CD47: variants seen among roughly 807,000 people sequenced by gnomAD.
CD47 encodes leukocyte surface antigen CD47.
In CD47, 11 loss-of-function variants were observed where a neutral mutation model predicts 44.6. The ratio of observed to expected loss-of-function variants is 0.25; its 90% CI spans 0.16 to 0.41. The LOEUF is 0.41. CD47 is among the 10% of genes least tolerant of loss of function. The pLI, the probability that CD47 is intolerant of heterozygous loss-of-function variation, is 1.00. For synonymous variants in CD47, 140 were observed against 136.3 expected (o/e 1.03, Z -0.19); for missense variants, 306 against 386.7 (o/e 0.79, Z 1.75).
At position 108,070,163 on chromosome 3, in the gene CD47, A is replaced by C. The variant is rs139002791; in HGVS notation, c.490+930T>G. ...ATATAGACAGCTTAAACTGCTGAGT[A>C]AAAGTAAAATTCATAAAATATACAA... On this transcript the variant is annotated intron_variant, in intron 3 of 10. Coordinates refer to ENST00000361309, the MANE Select transcript of CD47 (RefSeq NM_001777.4). Among the ~76,000 whole-genome samples the C allele has an allele frequency of 4.5e-3, 678 of 152,328 alleles. 4 individuals are homozygous for C. Among genetic ancestry groups the C allele is most frequent in the African/African-American group, 0.015 (636 of 41,580 alleles).
chr3:108,089,769 G>A (rs1018294251), intron 1 of CD47, among the ~76,000 whole-genome samples: 4 of 152,222 alleles, frequency 2.6e-5, no homozygotes, highest in Admixed American at 6.5e-5. Context: ...GCACACCGAG[G>A]CTAATAATCA....
At chr3:108,071,330 C>T (rs534605951) in intron 2 of CD47, 148 bp from the exon 3 acceptor site, 70 of 533,400 alleles carry the variant, frequency 1.3e-4, no homozygotes, top group Non-Finnish European at 2.2e-4. Flanking sequence ...TATACATACA[C>T]ACATATACAT....
At chr3:108,082,182 G>T (rs1013868975) in intron 1 of CD47, among the ~76,000 whole-genome samples, 1 of 151,950 alleles carries the variant, frequency 6.6e-6, no homozygotes, top group African/African-American at 2.4e-5. Flanking sequence ...TTTCAGTCAA[G>T]TGCTGGGCAA....
intron 3 of CD47, among the ~76,000 whole-genome samples, chr3:108,062,409 A>T (rs1400025930): frequency 6.6e-6 from 1 of 152,142 alleles, no homozygotes; most frequent in Non-Finnish European, 1.5e-5. Context: ...TTTTAATCCC[A>T]TATATATTGT....
At chr3:108,052,698 T>C (rs558922060) in intron 7 of CD47, 7 of 152,524 alleles carry the variant, frequency 4.6e-5, no homozygotes, top group Admixed American at 3.3e-4. Flanking sequence ...CTCATGCCTG[T>C]AATCCCAGCA....
intron 1 of CD47, among the ~76,000 whole-genome samples, chr3:108,083,695 T>G (rs1025180905): frequency 6.6e-6 from 1 of 151,982 alleles, no homozygotes; most frequent in Non-Finnish European, 1.5e-5. Context: ...GGGCCTTCAA[T>G]CTTTACCATT....
chr3:108,063,616 TG>T (rs2079057127), intron 3 of CD47, among the ~76,000 whole-genome samples: 1 of 152,242 alleles, frequency 6.6e-6, no homozygotes, highest in South Asian at 2.1e-4. Context: ...CCTTATTTAT[TG>T]AATGTATCAA....
rs1385703238 is a variant in CD47, at chr3:108,079,619, A to G, written c.400+372T>C. ...AACACAAAAAACAGAAGGCTGAATAATTGGAAAGAGACTTGAAAATTAGTC... is the reference window on the plus strand; with the variant it reads ...AACACAAAAAACAGAAGGCTGAATAGTTGGAAAGAGACTTGAAAATTAGTC... On this transcript the variant is annotated intron_variant, in intron 2 of 10. Coordinates refer to ENST00000361309, the MANE Select transcript of CD47 (RefSeq NM_001777.4). 2.0e-5 allele frequency among the ~76,000 whole-genome samples: 3 copies of G among 150,864 alleles called. No homozygotes were observed. The East Asian group carries it at 5.8e-4, about 29-fold the overall frequency.
intron 9 of CD47, 92 bp from the exon 10 acceptor site, chr3:108,049,743 T>G (rs1362828450): frequency 1.2e-6 from 1 of 856,286 alleles, no homozygotes; most frequent in African/African-American, 1.7e-5. Context: ...ATATGCTAAC[T>G]AGTCTACAAC....
intron 1 of CD47, among the ~76,000 whole-genome samples, chr3:108,085,366 C>T (rs2079499820): frequency 6.6e-6 from 1 of 152,132 alleles, no homozygotes; most frequent in Non-Finnish European, 1.5e-5. Context: ...TACCTCTGCT[C>T]CTCAGTTTCC....
chr3:108,062,748 T>A (rs1247021594), intron 3 of CD47, among the ~76,000 whole-genome samples: 1 of 151,540 alleles, frequency 6.6e-6, no homozygotes, highest in Non-Finnish European at 1.5e-5. Flanking sequence ...GTTCAATGAT[T>A]CTCCTGCCTC....
chr3:108,066,809 C>G (rs1001250688), intron 3 of CD47, among the ~76,000 whole-genome samples: 3 of 152,134 alleles, frequency 2.0e-5, no homozygotes, highest in South Asian at 2.1e-4. Context: ...GAGATGAAGC[C>G]AGAAGAACTC....
At position 108,082,611 on chromosome 3, in the gene CD47, TA is replaced by T. The variant is rs59681988; in HGVS notation, c.47-2268del. On this transcript the variant is annotated intron_variant, in intron 1 of 10. Coordinates refer to ENST00000361309, the MANE Select transcript of CD47 (RefSeq NM_001777.4). Reference sequence around the variant, plus strand: ...GGTTTGACTTTCAAGAGATTATTCTTAAAAAAAAGAGGTACGAATGAAGAAC... The same window carrying T: ...GGTTTGACTTTCAAGAGATTATTCTTAAAAAAAGAGGTACGAATGAAGAAC... 6.2e-3 allele frequency among the ~76,000 whole-genome samples: 946 copies of T among 151,794 alleles called. 10 individuals are homozygous for T. Among genetic ancestry groups the T allele is most frequent in the African/African-American group, 0.022 (910 of 41,440 alleles).
At chr3:108,080,388 G>A in intron 1 of CD47, 44 bp from the exon 2 acceptor site, 1 of 992,390 alleles carries the variant, frequency 1.0e-6, no homozygotes, top group Non-Finnish European at 1.5e-6. Context: ...ATAGAAGTCT[G>A]TACTGTAAGA....
Position 108,047,294 on chromosome 3 carries a change from T to C in CD47, c.968-2A>G. ...GTCCATCACTTCACTTCAGTTATTC[T>C]GGAAAATTGAAAAATGAACACATAA... On this transcript the variant is annotated splice_acceptor_variant, in intron 10 of 10. Transcript: ENST00000361309. LOFTEE classifies it high-confidence loss of function. 1 of 1,605,080 alleles carries C rather than the reference T, an allele frequency of 6.2e-7. No individual in the cohort carries two copies. Among genetic ancestry groups the C allele is most frequent in the Non-Finnish European group, 8.5e-7 (1 of 1,173,180 alleles).
intron 3 of CD47, among the ~76,000 whole-genome samples, chr3:108,062,029 A>T (rs959292194): frequency 9.9e-5 from 15 of 152,200 alleles, no homozygotes; most frequent in African/African-American, 3.6e-4. Context: ...CATAATTTAT[A>T]ACCTCAATTT....
intron 7 of CD47, 35 bp from the exon 8 acceptor site, chr3:108,052,005 T>G: frequency 9.8e-7 from 1 of 1,016,764 alleles, no homozygotes; most frequent in Non-Finnish European, 1.5e-6. Flanking sequence ...ATAAATTTAA[T>G]AAATGAAATA....
chr3:108,078,326 T>C (rs1376484492), intron 2 of CD47, among the ~76,000 whole-genome samples: 1 of 152,060 alleles, frequency 6.6e-6, no homozygotes, highest in Non-Finnish European at 1.5e-5. Flanking sequence ...AGTCTTTCAA[T>C]CACACGCAAA....
intron 3 of CD47, among the ~76,000 whole-genome samples, chr3:108,067,160 T>G (rs1190893256): frequency 6.6e-6 from 1 of 152,230 alleles, no homozygotes; most frequent in African/African-American, 2.4e-5. Flanking sequence ...TACTAAATAC[T>G]AGCTTTACTA....
Sources: allele counts gnomAD v4.1 joint callset (sites outside exome capture counted in the v4.1 genomes callset), GRCh38; gene constraint gnomAD v4.1.1; transcripts MANE v1.5; gene names NCBI Gene and HGNC (gene_info 2026-07-23, HGNC 2026-07-21).